Variants in SARDH observed in about 807,000 individuals in gnomAD.
SARDH encodes sarcosine dehydrogenase, mitochondrial.
SARDH carries 95 observed loss-of-function variants against 109.1 expected under a neutral mutation model. The observed-to-expected ratio is 0.87, with a 90% CI of 0.74 to 1.03. SARDH has a LOEUF of 1.03. Ranked by LOEUF, SARDH falls within the 50% of genes least tolerant of loss-of-function variation. SARDH has a pLI of 0.00. For synonymous variants in SARDH, 572 were observed against 534.8 expected, an observed-to-expected ratio of 1.07 and a Z score of -0.96; for missense variants, 1,267 against 1,287.8, an observed-to-expected ratio of 0.98 and a Z score of 0.25.
chr9:133,735,663 G>A (rs569406690), intron 1 of SARDH, among the ~76,000 whole-genome samples: 61 of 152,328 alleles, frequency 4.0e-4, no homozygotes, highest in African/African-American at 1.4e-3. Flanking sequence ...CCTGGAGAGG[G>A]CATGTGCACA....
intron 6 of SARDH, among the ~76,000 whole-genome samples, chr9:133,726,464 C>G (rs1257291712): frequency 2.0e-5 from 3 of 151,660 alleles, no homozygotes; most frequent in Admixed American, 1.3e-4. Context: ...CAAAGCCAGC[C>G]CCAGAGTTCC....
In SARDH at chr9:133,685,086, G is replaced by A. The variant is rs539883039; in HGVS notation, c.2163+107C>T. ...TCACAGTTGGGGACCGAGGCCCAGG[G>A]AGGCAAAGGAACCTGCCCGAGAGCC... On this transcript the variant is annotated intron_variant, in intron 17 of 20. Transcript: ENST00000439388. The A allele has an allele frequency of 2.5e-5, 22 of 886,692 alleles. No homozygotes were observed. The South Asian group carries it at 3.1e-4, about 13-fold the overall frequency. 54.9% of individuals were successfully genotyped at this position (886,692 alleles called of 1,614,324 possible).
chr9:133,662,073 A>C (rs1832426064), downstream of SARDH, among the ~76,000 whole-genome samples: 1 of 151,894 alleles, frequency 6.6e-6, no homozygotes, highest in South Asian at 2.1e-4. This position sits in a 1 kb window ranked among gnomAD's most constrained non-coding sequence, Gnocchi z 5.1. Context: ...GGCTGCGCTC[A>C]CATCAATGCC....
At chr9:133,665,551 T>A (rs1830033350) in intron 20 of SARDH, among the ~76,000 whole-genome samples, 1 of 152,290 alleles carries the variant, frequency 6.6e-6, no homozygotes, top group South Asian at 2.1e-4. Flanking sequence ...CAAGAGAGGA[T>A]CCTTATCCAA....
At chr9:133,711,585 A>G (rs1398785959) in intron 10 of SARDH, among the ~76,000 whole-genome samples, 1 of 152,050 alleles carries the variant, frequency 6.6e-6, no homozygotes, top group African/African-American at 2.4e-5. Context: ...CCTCAGTGTC[A>G]CTGTCTCCGT....
At chr9:133,708,845 G>A (rs1158082925) in intron 10 of SARDH, among the ~76,000 whole-genome samples, 1 of 152,122 alleles carries the variant, frequency 6.6e-6, no homozygotes, top group African/African-American at 2.4e-5. Context: ...GAGGGTCCAT[G>A]TGAAGGGTCT....
At chr9:133,691,945 C>A (rs1385354974) in intron 15 of SARDH, among the ~76,000 whole-genome samples, 3 of 152,196 alleles carry the variant, frequency 2.0e-5, no homozygotes, top group African/African-American at 7.2e-5. Flanking sequence ...CACCGCCGAT[C>A]CCCAGCCCTC....
In SARDH at chr9:133,729,858, C is replaced by G. The variant is rs1198299230; in HGVS notation, c.822G>C (p.Trp274Cys). The change falls in exon 6 of 21, where the codon TGG becomes TGC. Residue 274 changes from tryptophan (W) to cysteine (C), a missense_variant. Transcript: ENST00000439388. ...CAGCCATCCGGCCCACAGCACTTGC[C>G]CACACTCCTGCGGGCAGAGCACAGA... ...TPCVVNCAGV[W>C]ASAVGRMAGV... 1.2e-6 allele frequency: 2 copies of G among 1,611,588 alleles called. No homozygotes were observed. Among genetic ancestry groups the G allele is most frequent in the African/African-American group, 2.7e-5 (2 of 74,932 alleles).
At chr9:133,665,359 G>A (rs1278733848) in intron 20 of SARDH, among the ~76,000 whole-genome samples, 1 of 152,194 alleles carries the variant, frequency 6.6e-6, no homozygotes, top group Non-Finnish European at 1.5e-5. Context: ...CGGTTTGGCT[G>A]GGCCCCAGGG....
In SARDH at chr9:133,670,736, G is replaced by A. The variant is rs781781380; in HGVS notation, c.2343C>T (p.His781=). The change falls in exon 19 of 21, where the codon CAC becomes CAT. Residue 781 remains histidine, a synonymous_variant. Transcript: ENST00000439388. The part of the protein sequence containing the change: ...LSIEKGYRHW[H]ADLRPDDSPL... ...GGCTGTCGTCTGGCCGCAGGTCCGC[G>A]TGCCAGTGCCGGTAGCCTGTGGGAA... The A allele has an allele frequency of 4.0e-5, 63 of 1,585,076 alleles. No homozygotes were observed. The highest frequency in any genetic ancestry group is 7.1e-5 in the Admixed American group (4 of 56,232).
chr9:133,719,920 A>G (rs890045208), intron 6 of SARDH, among the ~76,000 whole-genome samples: 4 of 150,966 alleles, frequency 2.6e-5, no homozygotes, highest in Non-Finnish European at 5.9e-5. Context: ...GACCATCCTG[A>G]CTAATATGGT....
intron 13 of SARDH, among the ~76,000 whole-genome samples, chr9:133,702,650 T>C (rs2131414576): frequency 6.6e-6 from 1 of 152,252 alleles, no homozygotes. Flanking sequence ...GCCCGTTGCC[T>C]CCGCCCCCAC....
chr9:133,663,160 C>A (rs916652401), downstream of SARDH, among the ~76,000 whole-genome samples: 4 of 152,246 alleles, frequency 2.6e-5, no homozygotes, highest in Non-Finnish European at 5.9e-5. Flanking sequence ...CCTGCCTGGG[C>A]CTGGTGAGCG....
rs746618437 is a variant in SARDH at position 133,685,219 on chromosome 9, T to C, written c.2137A>G (p.Lys713Glu). The change falls in exon 17 of 21, where the codon AAG (lysine) becomes GAG (glutamate). Residue 713 changes from lysine to glutamate, a missense_variant. Lys to Glu is a moderately conservative substitution (Grantham distance 56). Coordinates refer to ENST00000439388, the MANE Select transcript of SARDH (RefSeq NM_001134707.2). Reference protein sequence around the residue: ...SNEAFPFSTHKLLRAAGHLVR... With the variant: ...SNEAFPFSTHELLRAAGHLVR... ...AGGTGCCCTGCGGCTCTCAGTAGCT[T>C]GTGGGTGGAGAACGGGAAGGCCTCG... is the stretch of plus-strand genomic sequence containing the variant. 7.4e-6 allele frequency: 12 copies of C among 1,613,718 alleles called. No homozygotes were observed. Among genetic ancestry groups the C allele is most frequent in the African/African-American group, 2.7e-5 (2 of 74,870 alleles).
chr9:133,717,435 G>T lies in SARDH; in HGVS notation c.1041C>A (p.Phe347Leu). 6.2e-7 allele frequency: 1 copy of T among 1,614,092 alleles called. No individual in the cohort carries two copies. The part of the protein sequence containing the change: ...FWEEVSDKFA[F>L]GLFDLDWEVF... ...CCTCCCAGTCCAGGTCAAAGAGGCC[G>T]AAGGCAAACTTGTCTGACACCTGCC... Residue 347 changes from phenylalanine to leucine, a missense_variant, in exon 8 of 21, where the codon TTC (phenylalanine) becomes TTA (leucine). Transcript: ENST00000439388.
Position 133,729,904 on chromosome 9 carries a change from C to A in SARDH, c.815-39G>T, listed in dbSNP as rs748208823. 12 of 1,604,978 alleles carry A rather than the reference C, an allele frequency of 7.5e-6. No homozygotes were observed. The South Asian group carries it at 1.2e-4, about 16-fold the overall frequency. On this transcript the variant is annotated intron_variant, in intron 5 of 20. Transcript: ENST00000439388. ...ACAGACAGCTCAGCTCTGCTGACACCTGGTGGGAGCTGCCTCTCAGGTGTG... is the reference window on the plus strand; with the variant it reads ...ACAGACAGCTCAGCTCTGCTGACACATGGTGGGAGCTGCCTCTCAGGTGTG...
intron 17 of SARDH, 48 bp from the exon 18 acceptor site, chr9:133,671,745 G>A (rs751578064): frequency 2.0e-5 from 30 of 1,525,654 alleles, no homozygotes; most frequent in Non-Finnish European, 2.6e-5. Flanking sequence ...AGATGGCTGA[G>A]GTCCAGGCCC....
intron 10 of SARDH, among the ~76,000 whole-genome samples, chr9:133,708,740 G>A (rs552968096): frequency 1.3e-5 from 2 of 152,298 alleles, no homozygotes; most frequent in South Asian, 4.1e-4. Flanking sequence ...CTGCTGCCTA[G>A]GTTCCAGTGC....
At position 133,716,150 on chromosome 9, in the gene SARDH, C is replaced by T. The variant is rs1394811144; in HGVS notation, c.1150+1176G>A. On this transcript the variant is annotated intron_variant, in intron 8 of 20. Coordinates refer to ENST00000439388, the MANE Select transcript of SARDH (RefSeq NM_001134707.2). ...GGGCTAGGCTGCCCCTCCTCCTGGCCGCCCGTCTGTGTCCTCAGGCTGTGG... is the reference window on the plus strand; with the variant it reads ...GGGCTAGGCTGCCCCTCCTCCTGGCTGCCCGTCTGTGTCCTCAGGCTGTGG... 2.6e-5 allele frequency among the ~76,000 whole-genome samples: 4 copies of T among 152,330 alleles called. No homozygotes were observed. The South Asian group carries it at 6.2e-4, about 24-fold the overall frequency.
Sources: allele counts gnomAD v4.1 joint callset (sites outside exome capture counted in the v4.1 genomes callset), GRCh38; gene constraint gnomAD v4.1.1; non-coding constraint Gnocchi (gnomAD v3.1); transcripts MANE v1.5; gene names NCBI Gene and HGNC (gene_info 2026-07-23, HGNC 2026-07-21).